The following TYSND1 variants were observed in gnomAD, a reference collection of about 807,000 sequenced individuals.
TYSND1 encodes peroxisomal leader peptide-processing protease.
In TYSND1, 30 loss-of-function variants were observed where a neutral mutation model predicts 37.2. The observed-to-expected ratio is 0.81, with a 90% CI of 0.60 to 1.09. The LOEUF is 1.09. Ranked by LOEUF, TYSND1 falls within the 50% of genes least tolerant of loss-of-function variation. TYSND1 has a pLI of 0.00. For missense variants in TYSND1, 806 were observed against 817.4 expected (o/e 0.99, Z 0.17); for synonymous variants, 364 against 383.8 (o/e 0.95, Z 0.60).
rs761523688 is a variant in TYSND1, at chr10:70,140,059, G to A, written c.1566C>T (p.Leu522=). 6.2e-7 allele frequency: 1 copy of A among 1,614,064 alleles called. No homozygotes were observed. The highest frequency in any genetic ancestry group is 8.5e-7 in the Non-Finnish European group (1 of 1,180,022). ...GGCTGTACTGCTGCAGGGCCGGCTG[G>A]AGCACCGTGATGGGAATGCTGAAGT... ...HLNFSIPITV[L]QPALQQYSQT... Residue 522 remains leucine, a synonymous_variant, in exon 4 of 4, where the codon CTC becomes CTT. Coordinates refer to ENST00000287078, the MANE Select transcript of TYSND1 (RefSeq NM_173555.4).
Position 70,145,523 on chromosome 10 carries a change from A to T in TYSND1, c.1064T>A (p.Val355Glu), listed in dbSNP as rs2136696459. Residue 355 changes from valine (V) to glutamate (E), a missense_variant, in exon 1 of 4, where the codon GTA (valine) becomes GAA (glutamate). Transcript: ENST00000287078. ...AAAVLVECGTVWGSGVAVAPR... is the reference protein window; with the variant it reads ...AAAVLVECGTEWGSGVAVAPR... Reference sequence around the variant, plus strand: ...TGCCACAGCCACTCCGGAGCCCCATACGGTGCCGCACTCCACCAACACTGC... The same window carrying T: ...TGCCACAGCCACTCCGGAGCCCCATTCGGTGCCGCACTCCACCAACACTGC... The T allele has an allele frequency of 6.6e-7, 1 of 1,522,358 alleles. No homozygotes were observed. The highest frequency in any genetic ancestry group is 8.8e-7 in the Non-Finnish European group (1 of 1,141,578). 94.3% of individuals were successfully genotyped at this position (1,522,358 alleles called of 1,614,324 possible).
At position 70,143,778 on chromosome 10, in the gene TYSND1, T is replaced by C. The variant is rs2072827256; in HGVS notation, c.1297+64A>G. The C allele has an allele frequency of 1.9e-6, 3 of 1,593,800 alleles. No individual in the cohort carries two copies. The South Asian group carries it at 3.4e-5, about 18-fold the overall frequency. ...TCATGAGAATGCCCAACACTGATTC[T>C]CCTTCCTGAGGCCCACCCTAGCTCA... On this transcript the variant is annotated intron_variant, in intron 2 of 3. Transcript: ENST00000287078.
In TYSND1 at chr10:70,138,456, C is replaced by T. The variant is rs1160879982; in HGVS notation, c.*1468G>A. ...GTTAGAAACAAGTTACTCCTAAGCA[C>T]TCTTCCTGCGTGGCCTCCGCCCACA... On this transcript the variant is annotated 3_prime_UTR_variant, in exon 4 of 4. Transcript: ENST00000287078. 2 of 152,340 alleles carry T rather than the reference C, an allele frequency of 1.3e-5. No homozygotes were observed. Among genetic ancestry groups the T allele is most frequent in the Non-Finnish European group, 2.9e-5 (2 of 68,130 alleles). The allele number at this position is 152,340 out of a possible 1,614,324, so 9.4% of individuals were successfully genotyped here.
At position 70,146,527 on chromosome 10, in the gene TYSND1, G is replaced by C; in HGVS notation, c.60C>G (p.Ser20Arg). The C allele has an allele frequency of 6.3e-7, 1 of 1,586,106 alleles. No individual in the cohort carries two copies. Among genetic ancestry groups the C allele is most frequent in the Non-Finnish European group, 8.5e-7 (1 of 1,173,576 alleles). The change falls in exon 1 of 4, where the codon AGC becomes AGG. Residue 20 changes from serine (S) to arginine (R), a missense_variant. Coordinates refer to ENST00000287078, the MANE Select transcript of TYSND1 (RefSeq NM_173555.4). Reference sequence around the variant, plus strand: ...CCTCGGGCTGTCCGGCCCGGGAGGCGCTCACCATGCAGCCCGCCTGCTCGG... The same window carrying C: ...CCTCGGGCTGTCCGGCCCGGGAGGCCCTCACCATGCAGCCCGCCTGCTCGG... ...RAAEQAGCMVSASRAGQPEAG... is the reference protein window; with the variant it reads ...RAAEQAGCMVRASRAGQPEAG...
chr10:70,139,987 C>G lies in TYSND1; in HGVS notation c.1638G>C (p.Glu546Asp), dbSNP rs61748804. 7.5e-5 allele frequency: 121 copies of G among 1,614,186 alleles called. No homozygotes were observed. In the African/African-American group the frequency reaches 1.2e-3, roughly 16 times the overall value. Residue 546 changes from glutamate (E) to aspartate (D), a missense_variant, in exon 4 of 4, where the codon GAG (glutamate) becomes GAC (aspartate). Physicochemically the swap from Glu to Asp is conservative, Grantham distance 45. Around this residue, in one of 3 missense-constraint regions of TYSND1, gnomAD observed 708 missense variants for 705.4 expected, o/e 1.00. Transcript: ENST00000287078. Reference sequence around the variant, plus strand: ...GCAACCGCCACACCACCCTGACTGGCTCAGCAGCGCGGTCCAGCTCACGGA... The same window carrying G: ...GCAACCGCCACACCACCCTGACTGGGTCAGCAGCGCGGTCCAGCTCACGGA... ...GGLRELDRAA[E>D]PVRVVWRLQR...
chr10:70,143,979 G>A lies in TYSND1; in HGVS notation c.1167-7C>T, dbSNP rs766173163. 2 of 1,613,976 alleles carry A rather than the reference G, an allele frequency of 1.2e-6. No homozygotes were observed. Among genetic ancestry groups the A allele is most frequent in the Middle Eastern group, 1.6e-4 (1 of 6,084 alleles). On this transcript the variant is annotated splice_polypyrimidine_tract_variant and splice_region_variant and intron_variant, in intron 1 of 3. Transcript: ENST00000287078. ...GCCCCAGATGGCCACACTCCTGGGA[G>A]CAAGGGAAACAAATGACAGGCTAGC...
At position 70,139,404 on chromosome 10, in the gene TYSND1, T is replaced by G. The variant is rs1025041844; in HGVS notation, c.*520A>C. ...ATGGGCCTGGCACAGCAGGAGGCAC[T>G]CCTGTTTCTGTCCCTTCTGTCTCTG... On this transcript the variant is annotated 3_prime_UTR_variant, in exon 4 of 4. Transcript: ENST00000287078. 2.0e-5 allele frequency: 3 copies of G among 153,142 alleles called. No individual in the cohort carries two copies. The highest frequency in any genetic ancestry group is 6.5e-5 in the Admixed American group (1 of 15,314). 9.5% of individuals were successfully genotyped at this position (153,142 alleles called of 1,614,324 possible). A position where few individuals can be genotyped will look rare whatever the true frequency, so the allele number is the denominator to read the frequency against.
Position 70,142,836 on chromosome 10 carries a change from C to G in TYSND1, c.1315G>C (p.Val439Leu). 6.2e-7 allele frequency: 1 copy of G among 1,613,792 alleles called. No homozygotes were observed. The highest frequency in any genetic ancestry group is 8.5e-7 in the Non-Finnish European group (1 of 1,179,818). Residue 439 changes from valine (V) to leucine (L), a missense_variant, in exon 3 of 4, where the codon GTG becomes CTG. Physicochemically the swap from Val to Leu is conservative, Grantham distance 32 (BLOSUM62 1). Transcript: ENST00000287078. ...HFHEGEAVSVVGFGVFGQSCG... is the reference protein window; with the variant it reads ...HFHEGEAVSVLGFGVFGQSCG... ...GACTGGCCAAAGACGCCAAAGCCCACCACACTCACAGCCTCGCCTGCCAGG... is the reference window on the plus strand; with the variant it reads ...GACTGGCCAAAGACGCCAAAGCCCAGCACACTCACAGCCTCGCCTGCCAGG...
Position 70,146,227 on chromosome 10 carries a change from C to G in TYSND1, c.360G>C (p.Pro120=). 6.6e-7 allele frequency: 1 copy of G among 1,505,896 alleles called. No individual in the cohort carries two copies. The allele number at this position is 1,505,896 out of a possible 1,614,324, so 93.3% of individuals were successfully genotyped here. A position where few individuals can be genotyped will look rare whatever the true frequency, so the allele number is the denominator to read the frequency against. ...GGGGCTGCAGGGGACGCCCGCGGGA[C>G]GGGGCAGGTGGGCCGGGCTCGAGGC... ...CASLEPGPPA[P]SRGRPLQPRL... The change falls in exon 1 of 4, where the codon CCG becomes CCC. Residue 120 remains proline (P), a synonymous_variant. Coordinates refer to ENST00000287078, the MANE Select transcript of TYSND1 (RefSeq NM_173555.4).
Position 70,140,015 on chromosome 10 carries a change from C to T in TYSND1, c.1610G>A (p.Gly537Asp). Reference protein sequence around the residue: ...QQYSQTQDLGGLRELDRAAEP... With the variant: ...QQYSQTQDLGDLRELDRAAEP... ...AGCAGCGCGGTCCAGCTCACGGAGG[C>T]CACCTAGGTCTTGGGTCTGGCTGTA... The change falls in exon 4 of 4, where the codon GGC becomes GAC. Residue 537 changes from glycine (G) to aspartate (D), a missense_variant. By Grantham distance (94) the Gly-to-Asp change is moderately conservative. Coordinates refer to ENST00000287078, the MANE Select transcript of TYSND1 (RefSeq NM_173555.4). 6.2e-7 allele frequency: 1 copy of T among 1,614,246 alleles called. No individual in the cohort carries two copies. Among genetic ancestry groups the T allele is most frequent in the Non-Finnish European group, 8.5e-7 (1 of 1,180,030 alleles).
intron 1 of TYSND1, chr10:70,144,494 C>G: frequency 1.0e-6 from 1 of 990,332 alleles, no homozygotes; most frequent in Non-Finnish European, 1.2e-6. Flanking sequence ...CACGCTAACA[C>G]TTCTGTAGCA....
chr10:70,142,758 C>G lies in TYSND1; in HGVS notation c.1393G>C (p.Gly465Arg). Reference sequence around the variant, plus strand: ...GTGGTCTGCAGCATTACGGGCGTGCCATTCACCTGCACCACAGCCGAAAGG... The same window carrying G: ...GTGGTCTGCAGCATTACGGGCGTGCGATTCACCTGCACCACAGCCGAAAGG... The part of the protein sequence containing the change: ...GILSAVVQVN[G>R]TPVMLQTTCA... Residue 465 changes from glycine to arginine, a missense_variant, in exon 3 of 4, where the codon GGC becomes CGC. By Grantham distance (125) the Gly-to-Arg change is moderately radical (BLOSUM62 -2). Coordinates refer to ENST00000287078, the MANE Select transcript of TYSND1 (RefSeq NM_173555.4). The G allele has an allele frequency of 6.2e-7, 1 of 1,614,126 alleles. No homozygotes were observed. Among genetic ancestry groups the G allele is most frequent in the Non-Finnish European group, 8.5e-7 (1 of 1,180,004 alleles).
chr10:70,139,957 C>A lies in TYSND1; in HGVS notation c.1668G>T (p.Arg556=). 1 of 1,613,640 alleles carries A rather than the reference C, an allele frequency of 6.2e-7. No individual in the cohort carries two copies. ...EPVRVVWRLQ[R]PLAEAPRSKL is the part of the protein sequence containing the mutation. Reference sequence around the variant, plus strand: ...TGCTCCGCGGGGCCTCTGCCAGGGGCCGCTGCAACCGCCACACCACCCTGA... The same window carrying A: ...TGCTCCGCGGGGCCTCTGCCAGGGGACGCTGCAACCGCCACACCACCCTGA... The change falls in exon 4 of 4, where the codon CGG becomes CGT. Residue 556 remains arginine, a synonymous_variant. Coordinates refer to ENST00000287078, the MANE Select transcript of TYSND1 (RefSeq NM_173555.4).
rs754055462 is a variant in TYSND1 at position 70,146,171 on chromosome 10, C to T, written c.416G>A (p.Ser139Asn). ...GAAGTGGGCCCAGAAGGCCGGGCAGCTCAGCAGCAGCAGCAGCTCAGCAGG... is the reference window on the plus strand; with the variant it reads ...GAAGTGGGCCCAGAAGGCCGGGCAGTTCAGCAGCAGCAGCAGCTCAGCAGG... ...RLPAELLLLL[S>N]CPAFWAHFAR... Residue 139 changes from serine (S) to asparagine (N), a missense_variant, in exon 1 of 4, where the codon AGC (serine) becomes AAC (asparagine). Coordinates refer to ENST00000287078, the MANE Select transcript of TYSND1 (RefSeq NM_173555.4). 9 of 1,546,524 alleles carry T rather than the reference C, an allele frequency of 5.8e-6. No homozygotes were observed. In the South Asian group the frequency reaches 1.1e-4, roughly 18 times the overall value.
In TYSND1 at chr10:70,145,610, G is replaced by A; in HGVS notation, c.977C>T (p.Pro326Leu). The change falls in exon 1 of 4, where the codon CCA (proline) becomes CTA (leucine). Residue 326 changes from proline to leucine, a missense_variant. Physicochemically the swap from Pro to Leu is moderately conservative, Grantham distance 98. Around this residue, in one of 3 missense-constraint regions of TYSND1, gnomAD observed 708 missense variants for 705.4 expected, o/e 1.00. Coordinates refer to ENST00000287078, the MANE Select transcript of TYSND1 (RefSeq NM_173555.4). ...CAGACCCCACGGGACGCCCACCTCT[G>A]GCGGCAGAAGGGCGGCCAGGGCAGC... Reference protein sequence around the residue: ...STAALAALLPPEVGVPWGLPL... With the variant: ...STAALAALLPLEVGVPWGLPL... The A allele has an allele frequency of 7.0e-7, 1 of 1,437,044 alleles. No individual in the cohort carries two copies. Among genetic ancestry groups the A allele is most frequent in the African/African-American group, 1.5e-5 (1 of 66,928 alleles). The allele number at this position is 1,437,044 out of a possible 1,614,324, so 89.0% of individuals were successfully genotyped here.
In TYSND1 at chr10:70,146,596, G is replaced by A. The variant is rs1839241099; in HGVS notation, c.-10C>T. On this transcript the variant is annotated 5_prime_UTR_variant, in exon 1 of 4. Transcript: ENST00000287078. Reference sequence around the variant, plus strand: ...CCCACTGCCTTCTCATGGCCTCTAGGCCGGACACTCGGGAGCTTCTCCGAG... The same window carrying A: ...CCCACTGCCTTCTCATGGCCTCTAGACCGGACACTCGGGAGCTTCTCCGAG... 6.6e-7 allele frequency: 1 copy of A among 1,519,064 alleles called. No individual in the cohort carries two copies. The highest frequency in any genetic ancestry group is 1.2e-5 in the South Asian group (1 of 82,662). 94.1% of individuals were successfully genotyped at this position (1,519,064 alleles called of 1,614,324 possible).
Position 70,145,904 on chromosome 10 carries a change from G to T in TYSND1, c.683C>A (p.Ala228Asp), listed in dbSNP as rs750445022. The T allele has an allele frequency of 1.9e-6, 3 of 1,548,358 alleles. No homozygotes were observed. Among genetic ancestry groups the T allele is most frequent in the Non-Finnish European group, 2.6e-6 (3 of 1,146,458 alleles). ...GTTGAGAAAGATGTCGGGGCAGAAG[G>T]CGCCGAAAGGGGAGCCGCAGACCAG... The part of the protein sequence containing the change: ...PLLVCGSPFG[A>D]FCPDIFLNTL... Residue 228 changes from alanine (A) to aspartate (D), a missense_variant, in exon 1 of 4, where the codon GCC becomes GAC. Transcript: ENST00000287078.
rs1019275526 is a variant in TYSND1, at chr10:70,140,035, G to C, written c.1590C>G (p.Ser530Arg). 2 of 1,614,210 alleles carry C rather than the reference G, an allele frequency of 1.2e-6. No individual in the cohort carries two copies. Among genetic ancestry groups the C allele is most frequent in the East Asian group, 2.2e-5 (1 of 44,886 alleles). Reference protein sequence around the residue: ...TVLQPALQQYSQTQDLGGLRE... With the variant: ...TVLQPALQQYRQTQDLGGLRE... ...GGAGGCCACCTAGGTCTTGGGTCTG[G>C]CTGTACTGCTGCAGGGCCGGCTGGA... Residue 530 changes from serine (S) to arginine (R), a missense_variant, in exon 4 of 4, where the codon AGC becomes AGG. Transcript: ENST00000287078.
intron 2 of TYSND1, among the ~76,000 whole-genome samples, chr10:70,143,566 G>A (rs184109750): frequency 1.5e-4 from 23 of 152,332 alleles, no homozygotes; most frequent in Admixed American, 3.3e-4. Flanking sequence ...CCTTGAAAGT[G>A]CCACATGCCT....
Sources: allele counts gnomAD v4.1 joint callset (sites outside exome capture counted in the v4.1 genomes callset), GRCh38; gene constraint gnomAD v4.1.1; regional missense constraint gnomAD v4.1.1; transcripts MANE v1.5; gene names NCBI Gene and HGNC (gene_info 2026-07-23, HGNC 2026-07-21).